CIART: variants seen among roughly 807,000 people sequenced by gnomAD.
CIART encodes circadian associated repressor of transcription, also known as circadian-associated transcriptional repressor.
Under a neutral mutation model 22.1 loss-of-function variants are expected in CIART, and 7 were observed. That is an observed-to-expected ratio of 0.32 (90% confidence interval 0.18 to 0.59). The LOEUF (loss-of-function observed/expected upper bound fraction) is 0.59. Among genes scored for constraint, CIART ranks in the 20% least tolerant of loss-of-function variants. The probability of loss-of-function intolerance (pLI) is 0.86; values close to 1 mark genes in which losing one functional copy is unlikely to be tolerated. For synonymous variants in CIART, 163 were observed against 174.6 expected (o/e 0.93, Z 0.53); for missense variants, 440 against 478.0 (o/e 0.92, Z 0.74).
intron 4 of CIART, 31 bp from the exon 5 acceptor site, chr1:150,286,399 T>G: frequency 1.3e-6 from 2 of 1,518,196 alleles, no homozygotes; most frequent in Non-Finnish European, 1.8e-6. Flanking sequence ...TTTCTCCACA[T>G]TTCTTTTTTT....
intron 4 of CIART, chr1:150,285,546 A>AAAG (rs1653443743): frequency 6.2e-6 from 1 of 160,504 alleles, no homozygotes; most frequent in Non-Finnish European, 1.3e-5. Context: ...AAAAAAAAAA[A>AAAG]AAAGTGACCT....
rs1553853910 is a variant in CIART, at chr1:150,283,373, A to C, written c.106A>C (p.Arg36=). The change falls in exon 1 of 5, where the codon AGG becomes CGG. Residue 36 remains arginine, a synonymous_variant. Transcript: ENST00000290363. ...CTTTGGCTTCCCCTCTGATAGTGAG[A>C]GGGAGGACAAGGGGGCCCATGGGCC... The part of the protein sequence containing the change: ...SDFGFPSDSE[R]EDKGAHGPRP... The C allele has an allele frequency of 6.2e-7, 1 of 1,601,332 alleles. No homozygotes were observed. The highest frequency in any genetic ancestry group is 8.5e-7 in the Non-Finnish European group (1 of 1,172,780).
chr1:150,285,961 G>C (rs1653465164), intron 4 of CIART, among the ~76,000 whole-genome samples: 1 of 152,100 alleles, frequency 6.6e-6, no homozygotes, highest in South Asian at 2.1e-4. Context: ...GACAGAGTGA[G>C]ACCCTGTCTC....
chr1:150,284,779 C>A, intron 4 of CIART, 71 bp downstream of exon 4: 1 of 1,124,922 alleles, frequency 8.9e-7, no homozygotes, highest in East Asian at 2.4e-5. Flanking sequence ...GCAGAAATGG[C>A]CCCTTTTGCC....
chr1:150,284,392 T>C, intron 2 of CIART, 34 bp from the exon 3 acceptor site: 1 of 1,535,422 alleles, frequency 6.5e-7, no homozygotes, highest in South Asian at 1.1e-5. Flanking sequence ...TGCTTGAATC[T>C]CAATCCTTAA....
At position 150,283,217 on chromosome 1, in the gene CIART, C is replaced by G. The variant is rs782531996; in HGVS notation, c.-51C>G. ...TCGCTTTGCTCTTCAGTTGCAGGTTCCGATCTTTGGGTACTCCAGGAGCTG... is the reference window on the plus strand; with the variant it reads ...TCGCTTTGCTCTTCAGTTGCAGGTTGCGATCTTTGGGTACTCCAGGAGCTG... On this transcript the variant is annotated 5_prime_UTR_variant, in exon 1 of 5. Coordinates refer to ENST00000290363, the MANE Select transcript of CIART (RefSeq NM_144697.4). The G allele has an allele frequency of 6.8e-7, 1 of 1,466,806 alleles. No homozygotes were observed. Among genetic ancestry groups the G allele is most frequent in the East Asian group, 2.3e-5 (1 of 42,754 alleles). The allele number at this position is 1,466,806 out of a possible 1,614,324, so 90.9% of individuals were successfully genotyped here.
Position 150,283,128 on chromosome 1 carries a change from C to A in CIART, c.-140C>A. Reference sequence around the variant, plus strand: ...GGGGAGGGGGAGAACAAGTATTATCCCACGCAGTACACCCCAATCTCCCAG... The same window carrying A: ...GGGGAGGGGGAGAACAAGTATTATCACACGCAGTACACCCCAATCTCCCAG... On this transcript the variant is annotated 5_prime_UTR_variant, in exon 1 of 5. Coordinates refer to ENST00000290363, the MANE Select transcript of CIART (RefSeq NM_144697.4). The A allele has an allele frequency of 1.2e-6, 1 of 839,022 alleles. No individual in the cohort carries two copies. The highest frequency in any genetic ancestry group is 1.7e-6 in the Non-Finnish European group (1 of 571,640). 52.0% of individuals were successfully genotyped at this position (839,022 alleles called of 1,614,324 possible). A position where few individuals can be genotyped will look rare whatever the true frequency, so the allele number is the denominator to read the frequency against.
At position 150,283,646 on chromosome 1, in the gene CIART, A is replaced by C. The variant is rs1553854033; in HGVS notation, c.366+13A>C. On this transcript the variant is annotated intron_variant, in intron 1 of 4. Transcript: ENST00000290363. ...GTTTGCCCAGAAGGTAAGAGAAAGC[A>C]GGTGAAAGGAGATTCTCCTGGAGTG... 1.9e-6 allele frequency: 3 copies of C among 1,611,866 alleles called. No homozygotes were observed. The highest frequency in any genetic ancestry group is 2.5e-6 in the Non-Finnish European group (3 of 1,178,510).
At position 150,283,113 on chromosome 1, in the gene CIART, A is replaced by G; in HGVS notation, c.-155A>G. 1.5e-6 allele frequency: 1 copy of G among 654,334 alleles called. No homozygotes were observed. The allele number at this position is 654,334 out of a possible 1,614,324, so 40.5% of individuals were successfully genotyped here. ...GAGACCGGTAATATTGGGGAGGGGGAGAACAAGTATTATCCCACGCAGTAC... is the reference window on the plus strand; with the variant it reads ...GAGACCGGTAATATTGGGGAGGGGGGGAACAAGTATTATCCCACGCAGTAC... On this transcript the variant is annotated 5_prime_UTR_variant, in exon 1 of 5. Transcript: ENST00000290363.
chr1:150,283,933 C>T lies in CIART; in HGVS notation c.442+53C>T. ...CTAGGTTCATTTCTCTTTCTCTTTC[C>T]CTCTTTTGACGTGTATTTCTCTGAA... On this transcript the variant is annotated intron_variant, in intron 2 of 4. Coordinates refer to ENST00000290363, the MANE Select transcript of CIART (RefSeq NM_144697.4). The T allele has an allele frequency of 2.7e-5, 37 of 1,391,700 alleles. 1 individual carries two copies. The South Asian group carries it at 4.3e-4, about 16-fold the overall frequency. 86.2% of individuals were successfully genotyped at this position (1,391,700 alleles called of 1,614,324 possible).
intron 4 of CIART, 80 bp downstream of exon 4, chr1:150,284,788 C>A: frequency 9.5e-7 from 1 of 1,057,500 alleles, no homozygotes; most frequent in Non-Finnish European, 1.4e-6. Context: ...GCCCCTTTTG[C>A]CATTTTCTTT....
chr1:150,283,212 A>G lies in CIART; in HGVS notation c.-56A>G, dbSNP rs1653250050. On this transcript the variant is annotated 5_prime_UTR_variant, in exon 1 of 5. Transcript: ENST00000290363. ...CTCCCTCGCTTTGCTCTTCAGTTGC[A>G]GGTTCCGATCTTTGGGTACTCCAGG... 1 of 1,450,716 alleles carries G rather than the reference A, an allele frequency of 6.9e-7. No individual in the cohort carries two copies. The highest frequency in any genetic ancestry group is 9.2e-7 in the Non-Finnish European group (1 of 1,087,878). The allele number at this position is 1,450,716 out of a possible 1,614,324, so 89.9% of individuals were successfully genotyped here. A position where few individuals can be genotyped will look rare whatever the true frequency, so the allele number is the denominator to read the frequency against.
In CIART at chr1:150,283,432, A is replaced by G; in HGVS notation, c.165A>G (p.Ser55=). Residue 55 remains serine (S), a synonymous_variant, in exon 1 of 5, where the codon TCA becomes TCG. Coordinates refer to ENST00000290363, the MANE Select transcript of CIART (RefSeq NM_144697.4). ...ACACTGTTGGGCAGAGGGGAGGTTC[A>G]CGGCCCAGCCCGGGTCCTATCCGCT... ...RPDTVGQRGG[S]RPSPGPIRCR... 1.2e-6 allele frequency: 2 copies of G among 1,614,184 alleles called. No individual in the cohort carries two copies. Among genetic ancestry groups the G allele is most frequent in the Non-Finnish European group, 1.7e-6 (2 of 1,180,022 alleles).
chr1:150,286,855 C>T lies in CIART; in HGVS notation c.1059C>T (p.Pro353=). Residue 353 remains proline (P), a synonymous_variant, in exon 5 of 5, where the codon CCC becomes CCT. Transcript: ENST00000290363. ...PSDWSYTLSP[P]SLPTLARKMT... The stretch of plus-strand genomic sequence containing the variant: ...ACTGGAGCTATACCCTATCCCCTCC[C>T]AGTCTACCCACCTTGGCCAGAAAGA... The T allele has an allele frequency of 6.2e-7, 1 of 1,613,388 alleles. No homozygotes were observed. Among genetic ancestry groups the T allele is most frequent in the Non-Finnish European group, 8.5e-7 (1 of 1,179,388 alleles).
Position 150,283,624 on chromosome 1 carries a change from T to C in CIART, c.357T>C (p.Phe119=), listed in dbSNP as rs782358787. 3.1e-6 allele frequency: 5 copies of C among 1,613,480 alleles called. No individual in the cohort carries two copies. The highest frequency in any genetic ancestry group is 4.2e-6 in the Non-Finnish European group (5 of 1,179,626). ...QGCTTEGDLL[F]AQKCKELQGF... is the part of the protein sequence containing the mutation. ...GTACCACAGAGGGAGACCTGCTGTT[T>C]GCCCAGAAGGTAAGAGAAAGCAGGT... The change falls in exon 1 of 5, where the codon TTT becomes TTC. Residue 119 remains phenylalanine (F), a synonymous_variant. Coordinates refer to ENST00000290363, the MANE Select transcript of CIART (RefSeq NM_144697.4).
In CIART at chr1:150,283,497, C is replaced by G; in HGVS notation, c.230C>G (p.Pro77Arg). Residue 77 changes from proline to arginine, a missense_variant, in exon 1 of 5, where the codon CCA becomes CGA. Physicochemically the swap from Pro to Arg is moderately radical, Grantham distance 103 (BLOSUM62 -2). Coordinates refer to ENST00000290363, the MANE Select transcript of CIART (RefSeq NM_144697.4). ...RSKVSGNQHT[P>R]SHPKQRGSAS... ...AAGGTTTCCGGTAACCAGCATACAC[C>G]ATCTCATCCGAAACAGCGGGGTTCG... 1 of 1,614,220 alleles carries G rather than the reference C, an allele frequency of 6.2e-7. No homozygotes were observed. Among genetic ancestry groups the G allele is most frequent in the Non-Finnish European group, 8.5e-7 (1 of 1,180,040 alleles).
In CIART at chr1:150,283,444, G is replaced by A. The variant is rs782276974; in HGVS notation, c.177G>A (p.Pro59=). 8.7e-6 allele frequency: 14 copies of A among 1,614,060 alleles called. No homozygotes were observed. Among genetic ancestry groups the A allele is most frequent in the Admixed American group, 6.7e-5 (4 of 59,998 alleles). The change falls in exon 1 of 5, where the codon CCG becomes CCA. Residue 59 remains proline, a synonymous_variant. Transcript: ENST00000290363. ...VGQRGGSRPS[P]GPIRCRHRSK... is the part of the protein sequence containing the mutation. Reference sequence around the variant, plus strand: ...AGAGGGGAGGTTCACGGCCCAGCCCGGGTCCTATCCGCTGCAGGCATCGAT... The same window carrying A: ...AGAGGGGAGGTTCACGGCCCAGCCCAGGTCCTATCCGCTGCAGGCATCGAT...
rs1553854807 is a variant in CIART, at chr1:150,286,892, C to T, written c.1096C>T (p.His366Tyr). The stretch of plus-strand genomic sequence containing the variant: ...CTTGGCCAGAAAGATGACCATAGGA[C>T]ACCGGGAGCAGCAGAGAAGCCATCC... ...PTLARKMTIG[H>Y]REQQRSHPPV... The change falls in exon 5 of 5, where the codon CAC (histidine) becomes TAC (tyrosine). Residue 366 changes from histidine (H) to tyrosine (Y), a missense_variant. Coordinates refer to ENST00000290363, the MANE Select transcript of CIART (RefSeq NM_144697.4). The T allele has an allele frequency of 6.2e-7, 1 of 1,607,896 alleles. No individual in the cohort carries two copies. Among genetic ancestry groups the T allele is most frequent in the Middle Eastern group, 1.7e-4 (1 of 6,038 alleles).
chr1:150,283,736 G>A, intron 1 of CIART, 69 bp from the exon 2 acceptor site: 1 of 1,554,976 alleles, frequency 6.4e-7, no homozygotes, highest in Non-Finnish European at 8.9e-7. Context: ...ATTTGGAGGT[G>A]AAGGAAGAGC....
Sources: allele counts gnomAD v4.1 joint callset (sites outside exome capture counted in the v4.1 genomes callset), GRCh38; gene constraint gnomAD v4.1.1; transcripts MANE v1.5; gene names NCBI Gene and HGNC (gene_info 2026-07-23, HGNC 2026-07-21).